MAPT: variants seen among roughly 807,000 people sequenced by gnomAD.
The protein encoded by MAPT is microtubule associated protein tau, also known as microtubule-associated protein tau.
In MAPT, 34 loss-of-function variants were observed where a neutral mutation model predicts 67.9. The observed-to-expected ratio is 0.50, with a 90% CI of 0.38 to 0.67. The LOEUF (loss-of-function observed/expected upper bound fraction) is 0.67, where lower values mean the gene tolerates loss of function less well. Ranked by LOEUF, MAPT falls within the 30% of genes least tolerant of loss-of-function variation. The pLI is 0.00. For missense variants in MAPT, 881 were observed against 1,115.2 expected, an observed-to-expected ratio of 0.79 and a Z score of 2.99; for synonymous variants, 456 against 464.5, an observed-to-expected ratio of 0.98 and a Z score of 0.23.
chr17:45,898,996 C>G (rs1469122313), intron 1 of MAPT, among the ~76,000 whole-genome samples: 1 of 152,176 alleles, frequency 6.6e-6, no homozygotes, highest in Non-Finnish European at 1.5e-5. Context: ...ACTTGCCATG[C>G]CCAGGAGTTA....
rs567722475 is a variant in MAPT, at chr17:45,983,136, C to T, written c.557C>T (p.Pro186Leu). 52 of 1,586,368 alleles carry T rather than the reference C, an allele frequency of 3.3e-5. 1 individual carries two copies. The South Asian group carries it at 5.3e-4, about 16-fold the overall frequency. ...GGCGGGGACTGGGCCGAGAAGGGTC[C>T]GGCCTTTCCGAAGCCCGCCACCACT... ...QKGGDWAEKG[P>L]AFPKPATTAY... is the part of the protein sequence containing the mutation. The change falls in exon 5 of 13, where the codon CCG becomes CTG. Residue 186 changes from proline (P) to leucine (L), a missense_variant. Pro to Leu is a moderately conservative substitution (Grantham distance 98, BLOSUM62 -3). Coordinates refer to ENST00000262410, the MANE Select transcript of MAPT (RefSeq NM_001377265.1).
In MAPT at chr17:46,027,492, A is replaced by C. The variant is rs540523708; in HGVS notation, c.*3321A>C. The C allele has an allele frequency of 6.6e-6, 1 of 152,308 alleles. No individual in the cohort carries two copies. The highest frequency in any genetic ancestry group is 2.1e-4 in the South Asian group (1 of 4,824). The allele number at this position is 152,308 out of a possible 1,614,324, so 9.4% of individuals were successfully genotyped here. ...TTTATCAATAGTTCCATTTAAATTG[A>C]CTTCAGTGGTGAGACTGTATCCTGT... On this transcript the variant is annotated 3_prime_UTR_variant, in exon 13 of 13. Transcript: ENST00000262410.
intron 1 of MAPT, among the ~76,000 whole-genome samples, chr17:45,926,465 C>T (rs1035301705): frequency 3.3e-5 from 5 of 151,990 alleles, no homozygotes; most frequent in African/African-American, 7.3e-5. Flanking sequence ...CATACCACCA[C>T]ACCTGGCTAA....
In MAPT at chr17:46,025,618, G is replaced by A. The variant is rs2076774772; in HGVS notation, c.*1447G>A. On this transcript the variant is annotated 3_prime_UTR_variant, in exon 13 of 13. Transcript: ENST00000262410. ...CCTCCCGTCACAGATGTGAGCCAGG[G>A]CACTGCTCAGCTGTGACCCTAGGTG... 6.6e-6 allele frequency: 1 copy of A among 152,602 alleles called. No individual in the cohort carries two copies. The highest frequency in any genetic ancestry group is 2.4e-5 in the African/African-American group (1 of 41,456). The allele number at this position is 152,602 out of a possible 1,614,324, so 9.5% of individuals were successfully genotyped here.
intron 2 of MAPT, among the ~76,000 whole-genome samples, chr17:45,968,663 G>T (rs1400181672): frequency 6.6e-6 from 1 of 152,184 alleles, no homozygotes; most frequent in East Asian, 1.9e-4. Context: ...TCAGCTATCT[G>T]CTAGGGGCCC....
At chr17:45,936,827 C>A (rs969682247) in intron 1 of MAPT, among the ~76,000 whole-genome samples, 21 of 152,302 alleles carry the variant, frequency 1.4e-4, no homozygotes, top group African/African-American at 4.3e-4. Context: ...CTGTTTCAGG[C>A]CAACCGCAGG....
intron 3 of MAPT, chr17:45,973,098 G>A (rs1348540545): frequency 6.6e-6 from 1 of 152,122 alleles, no homozygotes; most frequent in Non-Finnish European, 1.5e-5. Flanking sequence ...CTTGTGTCTT[G>A]GGGTGAAAAA....
chr17:45,960,420 C>T (rs574455651), intron 1 of MAPT, among the ~76,000 whole-genome samples: 1 of 152,112 alleles, frequency 6.6e-6, no homozygotes, highest in South Asian at 2.1e-4. Context: ...CAAATTTATT[C>T]CTCAGCCAGA....
chr17:45,907,577 A>G (rs1209597325), intron 1 of MAPT: 1 of 152,228 alleles, frequency 6.6e-6, no homozygotes, highest in African/African-American at 2.4e-5. Context: ...AAACAGGCCA[A>G]TGTCAAATGA....
intron 1 of MAPT, among the ~76,000 whole-genome samples, chr17:45,945,131 C>T (rs775262749): frequency 6.6e-6 from 1 of 152,178 alleles, no homozygotes; most frequent in Non-Finnish European, 1.5e-5. Context: ...TGGTGGAGGT[C>T]TCCAAACCCA....
chr17:45,978,352 T>C (rs757353683), intron 3 of MAPT, 23 bp from the exon 4 acceptor site: 1 of 1,603,118 alleles, frequency 6.2e-7, no homozygotes, highest in South Asian at 1.1e-5. Flanking sequence ...TTACCCCCCT[T>C]CATTTGCTGA....
intron 1 of MAPT, among the ~76,000 whole-genome samples, chr17:45,934,479 T>G (rs983578721): frequency 6.6e-6 from 1 of 152,188 alleles, no homozygotes; most frequent in African/African-American, 2.4e-5. Context: ...TAATTTAACT[T>G]TAAAAAAATG....
At chr17:45,909,323 G>A (rs757450643) in intron 1 of MAPT, among the ~76,000 whole-genome samples, 10 of 152,166 alleles carry the variant, frequency 6.6e-5, no homozygotes, top group Non-Finnish European at 8.8e-5. Flanking sequence ...CCTTCCAGTG[G>A]GATAAGCCCT....
intron 1 of MAPT, among the ~76,000 whole-genome samples, chr17:45,914,061 G>A (rs542005321): frequency 2.6e-4 from 39 of 152,170 alleles, no homozygotes; most frequent in South Asian, 1.0e-3. Context: ...AAAAAAAGGA[G>A]GAGGGATTTA....
intron 6 of MAPT, among the ~76,000 whole-genome samples, chr17:45,988,836 G>A (rs2073819340): frequency 6.6e-6 from 1 of 152,122 alleles, no homozygotes; most frequent in African/African-American, 2.4e-5. Flanking sequence ...AGTGAGCCGT[G>A]ATGGCACCAC....
chr17:45,993,789 C>A, intron 8 of MAPT: 3 of 799,414 alleles, frequency 3.8e-6, no homozygotes, highest in Non-Finnish European at 6.4e-6. Context: ...GAGACCCTCC[C>A]CCTTGGGCCC....
Position 45,961,570 on chromosome 17 carries a change from C to T in MAPT, c.-17-751C>T, listed in dbSNP as rs1396032165. 5.3e-5 allele frequency among the ~76,000 whole-genome samples: 8 copies of T among 152,344 alleles called. No homozygotes were observed. The East Asian group carries it at 1.5e-3, about 29-fold the overall frequency. On this transcript the variant is annotated intron_variant, in intron 1 of 12. Transcript: ENST00000262410. ...GCCAGTTGACATCTGATTGAACCATCTCTTCACTTCTCCGTGCCTCACTTT... is the reference window on the plus strand; with the variant it reads ...GCCAGTTGACATCTGATTGAACCATTTCTTCACTTCTCCGTGCCTCACTTT...
At chr17:45,926,202 C>A (rs1216414510) in intron 1 of MAPT, among the ~76,000 whole-genome samples, 1 of 149,696 alleles carries the variant, frequency 6.7e-6, no homozygotes, top group East Asian at 2.0e-4. Flanking sequence ...CAGAGTAAGA[C>A]TCTATGTCAA....
intron 1 of MAPT, among the ~76,000 whole-genome samples, chr17:45,913,746 A>T (rs779695629): frequency 6.6e-6 from 1 of 152,216 alleles, no homozygotes; most frequent in Non-Finnish European, 1.5e-5. Context: ...AGCAAATGTT[A>T]AAGACAAATG....
Sources: gnomAD v4.1 joint callset for allele counts (sites outside exome capture counted in the v4.1 genomes callset) on GRCh38, gnomAD v4.1.1 for gene constraint, MANE v1.5 for transcripts, NCBI Gene and HGNC (gene_info 2026-07-23, HGNC 2026-07-21) for gene names.